The following TNIK variants were observed in gnomAD, a reference collection of about 807,000 sequenced individuals.
The protein encoded by TNIK is TRAF2 and NCK interacting kinase.
A neutral mutation model predicts 191.3 loss-of-function variants in TNIK; 49 were observed. The observed-to-expected ratio is 0.26, with a 90% CI of 0.20 to 0.32. The LOEUF (loss-of-function observed/expected upper bound fraction) is 0.32. Among genes scored for constraint, TNIK ranks in the 10% least tolerant of loss-of-function variants. The probability of loss-of-function intolerance (pLI) is 1.00; values close to 1 mark genes in which losing one functional copy is unlikely to be tolerated. For synonymous variants in TNIK, 594 were observed against 600.9 expected (o/e 0.99, Z 0.17); for missense variants, 1,155 against 1,702.3 (o/e 0.68, Z 5.66).
intron 1 of TNIK, among the ~76,000 whole-genome samples, chr3:171,430,243 T>C (rs1321479040): frequency 6.6e-6 from 1 of 152,210 alleles, no homozygotes; most frequent in Non-Finnish European, 1.5e-5. Flanking sequence ...CATCGCAATA[T>C]ACATCAAGTG....
chr3:171,282,341 G>GTTTTTTTTTTTTTTTTTTTTTTTTTT (rs869305605), intron 2 of TNIK, among the ~76,000 whole-genome samples: 4 of 79,950 alleles, frequency 5.0e-5, no homozygotes, highest in African/African-American at 1.3e-4. Context: ...ATGGTTTTTT[G>GTTTTTTTTTTTTTTTTTTTTTTTTTT]TTTTTTTTTT....
At chr3:171,166,388 A>G (rs61792396) in intron 10 of TNIK, among the ~76,000 whole-genome samples, 3 of 152,200 alleles carry the variant, frequency 2.0e-5, no homozygotes, top group Non-Finnish European at 4.4e-5. Flanking sequence ...TACCATTTCT[A>G]TGCTAGTTAA....
chr3:171,221,057 G>A (rs1742258419), intron 3 of TNIK, among the ~76,000 whole-genome samples: 1 of 152,084 alleles, frequency 6.6e-6, no homozygotes, highest in Non-Finnish European at 1.5e-5. Context: ...CAGCTCAGTT[G>A]TTCATTTTTA....
At chr3:171,262,348 C>T (rs2109134961) in intron 2 of TNIK, among the ~76,000 whole-genome samples, 1 of 152,198 alleles carries the variant, frequency 6.6e-6, no homozygotes, top group Non-Finnish European at 1.5e-5. Context: ...CATTCTTCAT[C>T]ACTTTCATCT....
At chr3:171,084,976 A>T in intron 25 of TNIK, 142 bp downstream of exon 25, 1 of 596,814 alleles carries the variant, frequency 1.7e-6, no homozygotes, top group Non-Finnish European at 2.8e-6. Context: ...TACAGAAATA[A>T]TAATTTTAAA....
At chr3:171,101,379 TA>T in intron 22 of TNIK, 69 bp downstream of exon 22, 1 of 1,497,534 alleles carries the variant, frequency 6.7e-7, no homozygotes, top group Non-Finnish European at 8.9e-7. Flanking sequence ...ATTTAACTCA[TA>T]TTTTTTTGTC....
At chr3:171,305,976 A>G (rs1753403117) in intron 2 of TNIK, among the ~76,000 whole-genome samples, 1 of 152,216 alleles carries the variant, frequency 6.6e-6, no homozygotes, top group Admixed American at 6.5e-5. Context: ...TTGCCCATCA[A>G]TGACAGAGTG....
intron 1 of TNIK, 67 bp downstream of exon 1, chr3:171,459,940 T>A: frequency 7.8e-7 from 1 of 1,276,556 alleles, no homozygotes. Context: ...CAGCCCCCAG[T>A]CCACGCACCG....
At chr3:171,129,242 A>G (rs1728915564) in intron 15 of TNIK, among the ~76,000 whole-genome samples, 1 of 152,188 alleles carries the variant, frequency 6.6e-6, no homozygotes, top group South Asian at 2.1e-4. Flanking sequence ...AGACAATCAA[A>G]GGGAATGGTA....
chr3:171,298,826 A>C (rs1167155428), intron 2 of TNIK, among the ~76,000 whole-genome samples: 1 of 152,238 alleles, frequency 6.6e-6, no homozygotes, highest in African/African-American at 2.4e-5. Context: ...GTAAGGTCTA[A>C]AAGCCTTAAT....
At chr3:171,181,138 A>G (rs1025992236) in intron 7 of TNIK, among the ~76,000 whole-genome samples, 12 of 152,360 alleles carry the variant, frequency 7.9e-5, no homozygotes, top group Non-Finnish European at 1.5e-4. Flanking sequence ...CACTACACCC[A>G]GCTGAGAATA....
chr3:171,236,692 CCTCT>C (rs754380096), intron 2 of TNIK, among the ~76,000 whole-genome samples: 2 of 152,160 alleles, frequency 1.3e-5, no homozygotes, highest in African/African-American at 2.4e-5. Context: ...TCAATAGCTC[CCTCT>C]CTAAGGACTA....
intron 1 of TNIK, among the ~76,000 whole-genome samples, chr3:171,429,870 C>A (rs947390658): frequency 4.6e-5 from 7 of 152,152 alleles, no homozygotes; most frequent in African/African-American, 1.7e-4. Flanking sequence ...CATTCCTCCC[C>A]CGAACACCCT....
At chr3:171,386,949 A>G (rs1269889304) in intron 1 of TNIK, among the ~76,000 whole-genome samples, 1 of 152,214 alleles carries the variant, frequency 6.6e-6, no homozygotes, top group East Asian at 1.9e-4. Flanking sequence ...TTTCAGCAAT[A>G]TAAAATGTCC....
intron 9 of TNIK, among the ~76,000 whole-genome samples, chr3:171,171,089 A>C (rs1735224919): frequency 6.6e-6 from 1 of 152,146 alleles, no homozygotes; most frequent in African/African-American, 2.4e-5. Context: ...TGAACTAAGT[A>C]AACATAGAGT....
intron 5 of TNIK, among the ~76,000 whole-genome samples, chr3:171,193,063 A>G (rs1738254129): frequency 6.6e-6 from 1 of 152,194 alleles, no homozygotes; most frequent in Non-Finnish European, 1.5e-5. Flanking sequence ...TCAATTGATC[A>G]AGTACTATTT....
intron 2 of TNIK, among the ~76,000 whole-genome samples, chr3:171,272,927 T>A (rs945364226): frequency 3.3e-5 from 5 of 152,256 alleles, no homozygotes; most frequent in Non-Finnish European, 7.3e-5. Context: ...TACTGATGTT[T>A]GTGCATTTGA....
rs562033509 is a variant in TNIK, at chr3:171,158,814, C to CTTTA, written c.1017-1154_1017-1151dup. 1.1e-4 allele frequency among the ~76,000 whole-genome samples: 16 copies of CTTTA among 152,226 alleles called. No homozygotes were observed. The South Asian group carries it at 3.3e-3, about 32-fold the overall frequency. ...AGCTGAGGTAAGCTTTGAGGCCTTA[C>CTTTA]TTTAGATGGGTGGTCAGAAAGACCT... On this transcript the variant is annotated intron_variant, in intron 11 of 32. Transcript: ENST00000436636.
chr3:171,251,981 T>C (rs984524023), intron 2 of TNIK, among the ~76,000 whole-genome samples: 3 of 151,952 alleles, frequency 2.0e-5, no homozygotes, highest in African/African-American at 7.3e-5. Context: ...CCCAAATTTA[T>C]AGGGCAATTG....
Sources: gnomAD v4.1 joint callset for allele counts (sites outside exome capture counted in the v4.1 genomes callset) on GRCh38, gnomAD v4.1.1 for gene constraint, MANE v1.5 for transcripts, NCBI Gene and HGNC (gene_info 2026-07-23, HGNC 2026-07-21) for gene names.